ARL3: variants seen among roughly 807,000 people sequenced by gnomAD.
ARL3 encodes the protein ADP-ribosylation factor-like protein 3.
ARL3 carries 9 observed loss-of-function variants against 26.0 expected under a neutral mutation model. The observed-to-expected ratio is 0.35, with a 90% confidence interval of 0.21 to 0.60. The LOEUF (loss-of-function observed/expected upper bound fraction) is 0.60, where lower values mean the gene tolerates loss of function less well. Among genes scored for constraint, ARL3 ranks in the 20% least tolerant of loss-of-function variants. The pLI, the probability that ARL3 is intolerant of heterozygous loss-of-function variation, is 0.78. For missense variants in ARL3, 158 were observed against 215.7 expected (o/e 0.73, Z 1.67); for synonymous variants, 71 against 78.4 (o/e 0.91, Z 0.50).
At chr10:102,703,894 A>T (rs2064294503) in intron 2 of ARL3, among the ~76,000 whole-genome samples, 1 of 151,898 alleles carries the variant, frequency 6.6e-6, no homozygotes. Flanking sequence ...TCACGCCTGT[A>T]ATCCTAGCAC....
chr10:102,700,939 G>C (rs1378667077), intron 2 of ARL3, among the ~76,000 whole-genome samples: 1 of 151,326 alleles, frequency 6.6e-6, no homozygotes. Flanking sequence ...GTTTCTCCAT[G>C]TTGGTCAGGC....
rs191462700 is a variant in ARL3, at chr10:102,684,995, C to T, written c.501+821G>A. Among the ~76,000 whole-genome samples, 1,157 of 150,484 alleles carry T rather than the reference C, an allele frequency of 7.7e-3. 6 individuals carry two copies. The highest frequency in any genetic ancestry group is 0.012 in the Non-Finnish European group (800 of 67,654). ...GGGCAGGGTGGCTCATGCCTGTAAT[C>T]CCAGCACTTTGGGAGGCTGACGCAG... On this transcript the variant is annotated intron_variant, in intron 5 of 5. Coordinates refer to ENST00000260746, the MANE Select transcript of ARL3 (RefSeq NM_004311.4).
At chr10:102,712,579 T>A (rs905742829) in intron 1 of ARL3, among the ~76,000 whole-genome samples, 2 of 152,208 alleles carry the variant, frequency 1.3e-5, no homozygotes, top group African/African-American at 4.8e-5. Flanking sequence ...CTGTGCCAAT[T>A]TGCACCTGGA....
chr10:102,679,975 G>A (rs543411190), intron 5 of ARL3, among the ~76,000 whole-genome samples: 30 of 152,000 alleles, frequency 2.0e-4, no homozygotes, highest in African/African-American at 6.5e-4. Context: ...TTTTTGAGAC[G>A]GAGTCTTGCT....
At chr10:102,709,992 C>G (rs2064329885) in intron 1 of ARL3, among the ~76,000 whole-genome samples, 1 of 151,912 alleles carries the variant, frequency 6.6e-6, no homozygotes, top group Non-Finnish European at 1.5e-5. Context: ...CGAGATCACA[C>G]CAGTGTACTC....
chr10:102,679,371 C>T (rs2064144236), intron 5 of ARL3, among the ~76,000 whole-genome samples: 1 of 152,198 alleles, frequency 6.6e-6, no homozygotes, highest in African/African-American at 2.4e-5. Context: ...GATGTCTAGC[C>T]CACAGCCCAC....
chr10:102,685,722 C>G, intron 5 of ARL3, 94 bp downstream of exon 5: 1 of 1,316,896 alleles, frequency 7.6e-7, no homozygotes, highest in Non-Finnish European at 1.0e-6. Flanking sequence ...CTTGGAATGG[C>G]TCATCTGCCC....
In ARL3 at chr10:102,676,810, A is replaced by T; in HGVS notation, c.*84T>A. The T allele has an allele frequency of 7.0e-7, 1 of 1,431,062 alleles. No individual in the cohort carries two copies. Among genetic ancestry groups the T allele is most frequent in the South Asian group, 1.2e-5 (1 of 86,482 alleles). 88.6% of individuals were successfully genotyped at this position (1,431,062 alleles called of 1,614,324 possible). On this transcript the variant is annotated 3_prime_UTR_variant, in exon 6 of 6. Coordinates refer to ENST00000260746, the MANE Select transcript of ARL3 (RefSeq NM_004311.4). ...GCTGGAGCTGTACACAGATGGAAAAACATTTGGTCAGAAAGCAGCAAATTA... is the reference window on the plus strand; with the variant it reads ...GCTGGAGCTGTACACAGATGGAAAATCATTTGGTCAGAAAGCAGCAAATTA...
At chr10:102,692,440 G>A (rs895085085) in intron 3 of ARL3, among the ~76,000 whole-genome samples, 4 of 152,194 alleles carry the variant, frequency 2.6e-5, no homozygotes, top group African/African-American at 9.7e-5. Flanking sequence ...TGTTGAGACG[G>A]AGTCTCGCTC....
intron 3 of ARL3, among the ~76,000 whole-genome samples, chr10:102,697,842 A>G (rs149814923): frequency 1.0e-3 from 152 of 152,338 alleles, no homozygotes; most frequent in Non-Finnish European, 1.9e-3. Flanking sequence ...GAGCATGACC[A>G]ATGTTAAATG....
At position 102,694,880 on chromosome 10, in the gene ARL3, G is replaced by A. The variant is rs1352586311; in HGVS notation, c.264+4493C>T. ...ATTACAGGTGCCTGCCACTACACCC[G>A]GCTAATTTTTGTATTTTTAATACAG... is the stretch of plus-strand genomic sequence containing the variant. On this transcript the variant is annotated intron_variant, in intron 3 of 5. Coordinates refer to ENST00000260746, the MANE Select transcript of ARL3 (RefSeq NM_004311.4). Among the ~76,000 whole-genome samples the A allele has an allele frequency of 3.3e-5, 5 of 152,092 alleles. No homozygotes were observed. The South Asian group carries it at 1.0e-3, about 32-fold the overall frequency.
chr10:102,696,987 T>C (rs189052143), intron 3 of ARL3, among the ~76,000 whole-genome samples: 84 of 152,274 alleles, frequency 5.5e-4, no homozygotes, highest in Non-Finnish European at 7.5e-4. Context: ...CACACCTAGA[T>C]GGTCTACTGC....
chr10:102,680,897 T>C (rs537279770), intron 5 of ARL3, among the ~76,000 whole-genome samples: 1 of 152,252 alleles, frequency 6.6e-6, no homozygotes, highest in Admixed American at 6.5e-5. Flanking sequence ...ATTAGTAGTT[T>C]TTTTTTCTGG....
chr10:102,708,914 T>A (rs1437388562), intron 1 of ARL3, among the ~76,000 whole-genome samples: 7 of 90,002 alleles, frequency 7.8e-5, no homozygotes, highest in Admixed American at 2.0e-4. Flanking sequence ...ATATATTTTT[T>A]TTTTTTTTGA....
At chr10:102,684,385 G>C (rs549440400) in intron 5 of ARL3, among the ~76,000 whole-genome samples, 2 of 151,996 alleles carry the variant, frequency 1.3e-5, no homozygotes, top group Non-Finnish European at 2.9e-5. Context: ...TCCTGACCTC[G>C]TGATCTGCCT....
In ARL3 at chr10:102,687,953, G is replaced by A. The variant is rs58249492; in HGVS notation, c.315+1940C>T. Among the ~76,000 whole-genome samples, 945 of 152,184 alleles carry A rather than the reference G, an allele frequency of 6.2e-3. 11 individuals are homozygous for A. Among genetic ancestry groups the A allele is most frequent in the African/African-American group, 0.022 (898 of 41,542 alleles). ...TGTGTGTGTGTGTATGTGTGTGTGTGTATGAAATTTAAACTGAAAATGACA... is the reference window on the plus strand; with the variant it reads ...TGTGTGTGTGTGTATGTGTGTGTGTATATGAAATTTAAACTGAAAATGACA... On this transcript the variant is annotated intron_variant, in intron 4 of 5. Transcript: ENST00000260746.
chr10:102,690,867 C>A (rs2064213282), intron 3 of ARL3, among the ~76,000 whole-genome samples: 1 of 149,988 alleles, frequency 6.7e-6, no homozygotes, highest in South Asian at 2.1e-4. Flanking sequence ...CTAGGAGTTA[C>A]TCTTAGTCTT....
intron 5 of ARL3, 92 bp downstream of exon 5, chr10:102,685,724 C>T: frequency 3.0e-6 from 4 of 1,317,954 alleles, no homozygotes; most frequent in Non-Finnish European, 3.1e-6. Flanking sequence ...TGGAATGGCT[C>T]ATCTGCCCAT....
At chr10:102,708,340 G>C (rs1199501932) in intron 1 of ARL3, among the ~76,000 whole-genome samples, 1 of 151,962 alleles carries the variant, frequency 6.6e-6, no homozygotes, top group Admixed American at 6.6e-5. Context: ...AGATCCTTAG[G>C]GGACTGGTGA....
Sources: allele counts gnomAD v4.1 joint callset (sites outside exome capture counted in the v4.1 genomes callset), GRCh38; gene constraint gnomAD v4.1.1; transcripts MANE v1.5; gene names NCBI Gene and HGNC (gene_info 2026-07-23, HGNC 2026-07-21).